The following GNAZ variants were observed in gnomAD, a reference collection of about 807,000 sequenced individuals.
The protein encoded by GNAZ is G protein subunit alpha z, also known as guanine nucleotide-binding protein G(z) subunit alpha.
Under a neutral mutation model 25.4 loss-of-function variants are expected in GNAZ, and 3 were observed. The observed-to-expected ratio is 0.12, with a 90% confidence interval of 0.05 to 0.30. The LOEUF (loss-of-function observed/expected upper bound fraction) is 0.30, where lower values mean the gene tolerates loss of function less well. GNAZ is among the 10% of genes least tolerant of loss of function. The pLI, the probability that GNAZ is intolerant of heterozygous loss-of-function variation, is 1.00. For missense variants in GNAZ, 241 were observed against 501.8 expected, an observed-to-expected ratio of 0.48 and a Z score of 4.97; for synonymous variants, 211 against 205.7, an observed-to-expected ratio of 1.03 and a Z score of -0.22.
intron 1 of GNAZ, among the ~76,000 whole-genome samples, chr22:23,089,012 G>A (rs796626587): frequency 9.8e-5 from 15 of 152,320 alleles, no homozygotes; most frequent in African/African-American, 3.6e-4. Context: ...CAGGGTCTGT[G>A]TGTTGAACCA....
rs897685651 is a variant in GNAZ, at chr22:23,124,711, G to C, written c.*1280G>C. On this transcript the variant is annotated 3_prime_UTR_variant, in exon 3 of 3. Transcript: ENST00000615612. ...TGGAAATGCTCTGACTCCTGTGAAG[G>C]CACAGCCAGCGTTGTGGCCTGAGGG... The C allele has an allele frequency of 8.6e-5, 16 of 186,946 alleles. No individual in the cohort carries two copies. Among genetic ancestry groups the C allele is most frequent in the African/African-American group, 3.6e-4 (15 of 42,050 alleles). 11.6% of individuals were successfully genotyped at this position (186,946 alleles called of 1,614,324 possible).
At chr22:23,098,339 C>A (rs8139779) in intron 2 of GNAZ, among the ~76,000 whole-genome samples, 7 of 152,280 alleles carry the variant, frequency 4.6e-5, no homozygotes, top group Non-Finnish European at 1.5e-5. Flanking sequence ...AGCCCGGCAC[C>A]TGCTTACTCC....
At chr22:23,118,579 A>G (rs2069919824) in intron 2 of GNAZ, among the ~76,000 whole-genome samples, 1 of 152,172 alleles carries the variant, frequency 6.6e-6, no homozygotes, top group South Asian at 2.1e-4. Context: ...CAGGCTCTCA[A>G]CTGCACCCTG....
chr22:23,082,280 G>T (rs867750678), intron 1 of GNAZ, among the ~76,000 whole-genome samples: 1 of 149,962 alleles, frequency 6.7e-6, no homozygotes, highest in African/African-American at 2.4e-5. Flanking sequence ...GTAATGGCGC[G>T]ATCTCGGCTC....
intron 1 of GNAZ, among the ~76,000 whole-genome samples, chr22:23,078,544 C>T (rs891175905): frequency 1.3e-5 from 2 of 152,352 alleles, no homozygotes; most frequent in East Asian, 3.9e-4. Flanking sequence ...GTTTGTCTTG[C>T]CACGCTGGCT....
intron 1 of GNAZ, among the ~76,000 whole-genome samples, chr22:23,080,041 G>A (rs965689542): frequency 6.6e-6 from 1 of 152,162 alleles, no homozygotes; most frequent in East Asian, 1.9e-4. Flanking sequence ...GGGGAAACTG[G>A]GGAGCCAGGA....
chr22:23,072,444 A>T (rs1192109564), intron 1 of GNAZ, among the ~76,000 whole-genome samples: 1 of 152,236 alleles, frequency 6.6e-6, no homozygotes, highest in African/African-American at 2.4e-5. Flanking sequence ...TTTCTGAGAC[A>T]GGAGGTGAAT....
intron 1 of GNAZ, among the ~76,000 whole-genome samples, chr22:23,079,563 T>C (rs1313755747): frequency 6.6e-6 from 1 of 152,050 alleles, no homozygotes; most frequent in African/African-American, 2.4e-5. Context: ...CAAGCAAGCG[T>C]CGGGAGCAAA....
intron 2 of GNAZ, among the ~76,000 whole-genome samples, chr22:23,115,597 G>A (rs1398842007): frequency 2.0e-5 from 3 of 152,138 alleles, no homozygotes; most frequent in Non-Finnish European, 4.4e-5. Context: ...GGGTGACCCT[G>A]CAGGGTGGCC....
At chr22:23,120,719 C>T (rs1025478192) in intron 2 of GNAZ, among the ~76,000 whole-genome samples, 1 of 152,042 alleles carries the variant, frequency 6.6e-6, no homozygotes, top group Non-Finnish European at 1.5e-5. Flanking sequence ...ACGCCCTTCC[C>T]AACCCCGGAG....
chr22:23,117,157 G>A (rs938743676), intron 2 of GNAZ, among the ~76,000 whole-genome samples: 1 of 152,106 alleles, frequency 6.6e-6, no homozygotes, highest in Non-Finnish European at 1.5e-5. Flanking sequence ...CAGGAACGTT[G>A]GTAACTGGAA....
intron 2 of GNAZ, among the ~76,000 whole-genome samples, chr22:23,104,373 C>G (rs558223163): frequency 1.1e-4 from 17 of 152,306 alleles, no homozygotes; most frequent in African/African-American, 4.1e-4. Context: ...ACCTCCTGCT[C>G]TGCCTCGTGA....
chr22:23,108,096 G>A (rs2069536486), intron 2 of GNAZ, among the ~76,000 whole-genome samples: 1 of 152,244 alleles, frequency 6.6e-6, no homozygotes, highest in Non-Finnish European at 1.5e-5. Context: ...CCAGGAGCAG[G>A]TGCATCTGTG....
rs73384375 is a variant in GNAZ at position 23,100,015 on chromosome 22, T to C, written c.723+3597T>C. ...AGTTGTAAAGCATCAAATGTTCTCA[T>C]GTGGAAACCCACAGGGAGCTCACTG... is the stretch of plus-strand genomic sequence containing the variant. On this transcript the variant is annotated intron_variant, in intron 2 of 2. Coordinates refer to ENST00000615612, the MANE Select transcript of GNAZ (RefSeq NM_002073.4). 5.3e-3 allele frequency among the ~76,000 whole-genome samples: 803 copies of C among 152,382 alleles called. 9 individuals are homozygous for C. The highest frequency in any genetic ancestry group is 0.017 in the African/African-American group (719 of 41,598).
intron 1 of GNAZ, among the ~76,000 whole-genome samples, chr22:23,083,992 A>ACC (rs2068747089): frequency 1.3e-5 from 2 of 152,090 alleles, no homozygotes; most frequent in African/African-American, 4.8e-5. Flanking sequence ...TGGGTGGGAG[A>ACC]TGCAGCCAGA....
intron 2 of GNAZ, among the ~76,000 whole-genome samples, chr22:23,102,371 T>A (rs2069328678): frequency 6.6e-6 from 1 of 152,190 alleles, no homozygotes; most frequent in South Asian, 2.1e-4. Flanking sequence ...TTGCTAGCAC[T>A]TCAGTCCTTG....
At chr22:23,103,639 A>AT (rs142535086) in intron 2 of GNAZ, among the ~76,000 whole-genome samples, 4,795 of 152,296 alleles carry the variant, frequency 0.031, 250 homozygotes, top group African/African-American at 0.11. Flanking sequence ...GCAACCTTGC[A>AT]TTGGCTAACA....
intron 1 of GNAZ, among the ~76,000 whole-genome samples, chr22:23,079,774 T>A (rs1290504715): frequency 6.6e-6 from 1 of 152,010 alleles, no homozygotes; most frequent in East Asian, 1.9e-4. Context: ...CAATTAAGGG[T>A]TCCCCTGAGG....
chr22:23,077,247 A>C (rs923525046), intron 1 of GNAZ, among the ~76,000 whole-genome samples: 1 of 151,990 alleles, frequency 6.6e-6, no homozygotes, highest in African/African-American at 2.4e-5. Flanking sequence ...CTAACCCCTT[A>C]TTGGGAAGGA....
Sources: allele counts gnomAD v4.1 joint callset (sites outside exome capture counted in the v4.1 genomes callset), GRCh38; gene constraint gnomAD v4.1.1; transcripts MANE v1.5; gene names NCBI Gene and HGNC (gene_info 2026-07-23, HGNC 2026-07-21).